The following PTPRT variants were observed in gnomAD, a reference collection of about 807,000 sequenced individuals.
PTPRT encodes protein tyrosine phosphatase receptor type T, also known as receptor-type tyrosine-protein phosphatase T.
PTPRT carries 56 observed loss-of-function variants against 176.8 expected under a neutral mutation model. The ratio of observed to expected loss-of-function variants is 0.32; its 90% confidence interval spans 0.26 to 0.40. The LOEUF is 0.40. PTPRT is among the 10% of genes least tolerant of loss of function. PTPRT has a pLI of 1.00. For missense variants in PTPRT, 1,540 were observed against 1,908.2 expected (o/e 0.81, Z 3.60); for synonymous variants, 783 against 739.0 (o/e 1.06, Z -0.96).
rs145594406 is a variant in PTPRT at position 42,723,447 on chromosome 20, A to C, written c.859+33015T>G. ...AGCTGGGCTGTGGGGCAGCTCCCAC[A>C]GAGCTCACTATCTCCATATCCCCAG... On this transcript the variant is annotated intron_variant, in intron 6 of 30. Coordinates refer to ENST00000373187, the MANE Select transcript of PTPRT (RefSeq NM_007050.6). Among the ~76,000 whole-genome samples, 680 of 152,294 alleles carry C rather than the reference A, an allele frequency of 4.5e-3. 7 individuals are homozygous for C. The highest frequency in any genetic ancestry group is 0.016 in the African/African-American group (664 of 41,564).
intron 7 of PTPRT, among the ~76,000 whole-genome samples, chr20:42,669,043 C>A (rs1448185856): frequency 6.6e-6 from 1 of 151,868 alleles, no homozygotes; most frequent in Non-Finnish European, 1.5e-5. Flanking sequence ...ATCAGAGGCT[C>A]CATAACCGAG....
At chr20:42,760,597 C>T (rs1271387842) in intron 5 of PTPRT, among the ~76,000 whole-genome samples, 1 of 152,108 alleles carries the variant, frequency 6.6e-6, no homozygotes, top group Non-Finnish European at 1.5e-5. Flanking sequence ...GTAAAAGTCA[C>T]ATCAACTAAC....
intron 9 of PTPRT, among the ~76,000 whole-genome samples, chr20:42,376,945 C>T (rs373831102): frequency 6.6e-6 from 1 of 152,012 alleles, no homozygotes; most frequent in Admixed American, 6.6e-5. Flanking sequence ...CAGAGACTGA[C>T]GTTATCATAT....
At chr20:42,934,194 G>A (rs1365410617) in intron 1 of PTPRT, among the ~76,000 whole-genome samples, 1 of 152,176 alleles carries the variant, frequency 6.6e-6, no homozygotes, top group Non-Finnish European at 1.5e-5. Flanking sequence ...TGGGCCTGGA[G>A]GTGTGTCAAA....
chr20:42,268,847 A>G (rs2056882566), intron 13 of PTPRT, among the ~76,000 whole-genome samples: 1 of 152,218 alleles, frequency 6.6e-6, no homozygotes, highest in South Asian at 2.1e-4. Context: ...CTCAGCCCCA[A>G]TCTCCTTTAC....
intron 6 of PTPRT, among the ~76,000 whole-genome samples, chr20:42,706,180 TG>T (rs1440103118): frequency 4.2e-4 from 5 of 11,992 alleles, no homozygotes; most frequent in Non-Finnish European, 5.5e-4. Flanking sequence ...TCTCTCTGTT[TG>T]TGTGTGTGTG....
rs751699905 is a variant in PTPRT at position 42,156,422 on chromosome 20, CACTT to C, written c.2682+4926_2682+4929del. 2.6e-5 allele frequency among the ~76,000 whole-genome samples: 4 copies of C among 152,342 alleles called. No homozygotes were observed. The East Asian group carries it at 5.8e-4, about 22-fold the overall frequency. On this transcript the variant is annotated intron_variant, in intron 17 of 30. Transcript: ENST00000373187. ...CTAGGTCCTTGTCTCTGTCTATACT[CACTT>C]GCTTGGTGACCTCACCCAGTCTTGT...
chr20:42,768,040 A>G (rs1408827837), intron 5 of PTPRT, among the ~76,000 whole-genome samples: 1 of 147,104 alleles, frequency 6.8e-6, no homozygotes, highest in Non-Finnish European at 1.5e-5. Context: ...TCTCTGGAGA[A>G]CCCTGACTAA....
chr20:42,890,572 C>A (rs569206133), intron 1 of PTPRT, among the ~76,000 whole-genome samples: 1 of 152,202 alleles, frequency 6.6e-6, no homozygotes, highest in South Asian at 2.1e-4. Flanking sequence ...CAAGTACAGG[C>A]TAGGGTGTCC....
chr20:42,974,143 C>T (rs994216349), intron 1 of PTPRT, among the ~76,000 whole-genome samples: 3 of 152,182 alleles, frequency 2.0e-5, no homozygotes, highest in African/African-American at 7.2e-5. Context: ...CCCAGCTGAA[C>T]AGGTGTACGT....
At chr20:42,953,631 A>G (rs1383046022) in intron 1 of PTPRT, among the ~76,000 whole-genome samples, 1 of 152,136 alleles carries the variant, frequency 6.6e-6, no homozygotes, top group Non-Finnish European at 1.5e-5. Context: ...TGGCCCCAGC[A>G]CTCAGAAGAG....
intron 7 of PTPRT, among the ~76,000 whole-genome samples, chr20:42,665,919 A>C (rs1646896540): frequency 7.2e-6 from 1 of 138,052 alleles, no homozygotes; most frequent in Non-Finnish European, 1.5e-5. Flanking sequence ...CAGGAGGGGG[A>C]ACATCACACA....
intron 1 of PTPRT, chr20:42,971,427 C>A (rs939008661): frequency 4.6e-5 from 7 of 152,122 alleles, no homozygotes; most frequent in African/African-American, 1.7e-4. Context: ...GATGTCTCTC[C>A]CCTGTTTAAA....
At chr20:43,132,230 G>C (rs971364395) in intron 1 of PTPRT, among the ~76,000 whole-genome samples, 14 of 152,178 alleles carry the variant, frequency 9.2e-5, no homozygotes, top group Admixed American at 2.0e-4. Flanking sequence ...TTTACATGTA[G>C]ATCCTTGTAT....
At chr20:42,116,143 A>G in intron 21 of PTPRT, 1 of 714,282 alleles carries the variant, frequency 1.4e-6, no homozygotes, top group East Asian at 2.7e-5. Flanking sequence ...AACAAACAAA[A>G]AAAGGTTTTG....
rs563290805 is a variant in PTPRT at position 42,507,850 on chromosome 20, G to C, written c.1154-35288C>G. ...ATCAGGTAGAATTTCATTACTCACA[G>C]GACTTTTTTTTTTTTTTTCAGCACA... On this transcript the variant is annotated intron_variant, in intron 7 of 30. Transcript: ENST00000373187. Among the ~76,000 whole-genome samples, 729 of 146,650 alleles carry C rather than the reference G, an allele frequency of 5.0e-3. 7 individuals are homozygous for C. The highest frequency in any genetic ancestry group is 0.017 in the African/African-American group (677 of 39,350).
At chr20:42,922,260 T>A (rs1979196235) in intron 1 of PTPRT, among the ~76,000 whole-genome samples, 1 of 152,164 alleles carries the variant, frequency 6.6e-6, no homozygotes, top group Admixed American at 6.5e-5. Flanking sequence ...TCAGCCTCCA[T>A]GCTGGACTCT....
rs1983126585 is a variant in PTPRT, at chr20:42,079,741, T to A, written c.*1138A>T. The A allele has an allele frequency of 4.4e-6, 1 of 229,214 alleles. No homozygotes were observed. Among genetic ancestry groups the A allele is most frequent in the African/African-American group, 2.2e-5 (1 of 45,106 alleles). The allele number at this position is 229,214 out of a possible 1,614,324, so 14.2% of individuals were successfully genotyped here. ...TTAGGAAGGAGTTCAAATTTGGACA[T>A]CCAAATTATGCACAAAGCTGGTGCT... On this transcript the variant is annotated 3_prime_UTR_variant, in exon 31 of 31. Coordinates refer to ENST00000373187, the MANE Select transcript of PTPRT (RefSeq NM_007050.6).
At chr20:43,069,210 G>A (rs1233894455) in intron 1 of PTPRT, among the ~76,000 whole-genome samples, 4 of 152,122 alleles carry the variant, frequency 2.6e-5, no homozygotes, top group African/African-American at 9.7e-5. Flanking sequence ...CAGATAGGAT[G>A]TCTCTAACAC....
Sources: allele counts gnomAD v4.1 joint callset (sites outside exome capture counted in the v4.1 genomes callset), GRCh38; gene constraint gnomAD v4.1.1; transcripts MANE v1.5; gene names NCBI Gene and HGNC (gene_info 2026-07-23, HGNC 2026-07-21).